Variants in COL4A2 observed in about 807,000 individuals in gnomAD.
COL4A2 encodes the protein collagen alpha-2(IV) chain.
In COL4A2, 99 loss-of-function variants were observed where a neutral mutation model predicts 200.2. The observed-to-expected ratio is 0.49, with a 90% confidence interval of 0.42 to 0.58. The LOEUF (loss-of-function observed/expected upper bound fraction) is 0.58, where lower values mean the gene tolerates loss of function less well. COL4A2 is among the 20% of genes least tolerant of loss of function. COL4A2 has a pLI of 0.00. For missense variants in COL4A2, 1,950 were observed against 2,314.1 expected, an observed-to-expected ratio of 0.84 and a Z score of 3.23; for synonymous variants, 897 against 900.6, an observed-to-expected ratio of 1.00 and a Z score of 0.07.
chr13:110,513,181 T>TG lies in COL4A2; in HGVS notation c.*991dup, dbSNP rs2139565946. Among the ~76,000 whole-genome samples the TG allele has an allele frequency of 6.6e-6, 1 of 152,188 alleles. No homozygotes were observed. Among genetic ancestry groups the TG allele is most frequent in the East Asian group, 1.9e-4 (1 of 5,180 alleles). On this transcript the variant is annotated 3_prime_UTR_variant, in exon 48 of 48. Transcript: ENST00000360467. ...TATTACAGCCATTTCTCGGGGAATG[T>TG]GTTTGTTTATAACTCACTAATGCTT...
chr13:110,448,906 G>A (rs181056269), intron 18 of COL4A2, among the ~76,000 whole-genome samples: 32 of 152,358 alleles, frequency 2.1e-4, no homozygotes, highest in Admixed American at 2.0e-3. Flanking sequence ...TTGCCTTTAA[G>A]TGGAGGAGCC....
chr13:110,457,628 ACTCGGC>A, intron 21 of COL4A2, 193 bp downstream of exon 21: 1 of 683,530 alleles, frequency 1.5e-6, no homozygotes, highest in East Asian at 2.9e-5. Flanking sequence ...CTGTCTGAGC[ACTCGGC>A]CCCCAGGCTC....
chr13:110,421,798 G>T, intron 4 of COL4A2, among the ~76,000 whole-genome samples: 1 of 152,208 alleles, frequency 6.6e-6, no homozygotes, highest in Non-Finnish European at 1.5e-5. Context: ...TCCAAAGTCA[G>T]ACTCCCTAAC....
chr13:110,337,759 G>A (rs1876267540), intron 3 of COL4A2, among the ~76,000 whole-genome samples: 3 of 152,236 alleles, frequency 2.0e-5, no homozygotes, highest in Admixed American at 6.5e-5. Context: ...CCTGCAGCAG[G>A]TTCTGCTGTG....
At chr13:110,459,713 CAG>C (rs1881944973) in intron 22 of COL4A2, 2 of 152,182 alleles carry the variant, frequency 1.3e-5, no homozygotes, top group South Asian at 2.1e-4. Flanking sequence ...TGCTTTAAAA[CAG>C]TGAACTTTGT....
chr13:110,362,479 G>A (rs9559779), intron 4 of COL4A2, among the ~76,000 whole-genome samples: 69,457 of 151,082 alleles, frequency 0.46, 16,322 homozygotes, highest in East Asian at 0.75. Context: ...ACACCTGGCT[G>A]ATTTTTGTAT....
chr13:110,432,197 G>A, intron 10 of COL4A2, 128 bp from the exon 11 acceptor site: 2 of 1,185,436 alleles, frequency 1.7e-6, no homozygotes, highest in Non-Finnish European at 2.2e-6. Flanking sequence ...AAATGCATCA[G>A]AAACCTCCAT....
intron 4 of COL4A2, among the ~76,000 whole-genome samples, chr13:110,401,360 T>A (rs1879363692): frequency 6.6e-6 from 1 of 152,234 alleles, no homozygotes; most frequent in Admixed American, 6.5e-5. Context: ...TAAAACAATA[T>A]GAAGTATGGC....
chr13:110,423,269 T>C (rs947379368), intron 4 of COL4A2, among the ~76,000 whole-genome samples: 26 of 152,152 alleles, frequency 1.7e-4, no homozygotes, highest in African/African-American at 5.8e-4. Flanking sequence ...CCCTCCTTTC[T>C]CATTTTTAAA....
intron 4 of COL4A2, among the ~76,000 whole-genome samples, chr13:110,414,831 A>G (rs901904703): frequency 3.3e-5 from 5 of 152,246 alleles, no homozygotes; most frequent in Admixed American, 1.3e-4. Flanking sequence ...ATCATAATGT[A>G]TGAGAAGGAA....
At chr13:110,475,280 G>T (rs1882667226) in intron 29 of COL4A2, among the ~76,000 whole-genome samples, 1 of 152,214 alleles carries the variant, frequency 6.6e-6, no homozygotes, top group Admixed American at 6.5e-5. Flanking sequence ...TGAGGACTCG[G>T]CGCTGAGAGG....
chr13:110,390,062 GT>G (rs372916884), intron 4 of COL4A2, among the ~76,000 whole-genome samples: 24 of 152,300 alleles, frequency 1.6e-4, no homozygotes, highest in African/African-American at 5.8e-4. Flanking sequence ...AAGACTCTCA[GT>G]GTTAACGGCC....
At chr13:110,481,935 T>A (rs796482574) in intron 31 of COL4A2, among the ~76,000 whole-genome samples, 1 of 135,076 alleles carries the variant, frequency 7.4e-6, no homozygotes. Context: ...GGAGACACAC[T>A]GCTCTGTCCC....
At chr13:110,483,494 A>G (rs550290647) in intron 32 of COL4A2, among the ~76,000 whole-genome samples, 61 of 152,388 alleles carry the variant, frequency 4.0e-4, no homozygotes, top group Non-Finnish European at 6.2e-4. Flanking sequence ...AAACAGCCTG[A>G]AAATGCATCG....
chr13:110,487,277 C>A (rs1883147437), intron 34 of COL4A2, among the ~76,000 whole-genome samples: 1 of 152,224 alleles, frequency 6.6e-6, no homozygotes, highest in African/African-American at 2.4e-5. Flanking sequence ...CAGGGTGAAA[C>A]CCCGTCTCTA....
intron 32 of COL4A2, among the ~76,000 whole-genome samples, chr13:110,483,436 T>C (rs1371656233): frequency 6.6e-6 from 1 of 152,182 alleles, no homozygotes; most frequent in Non-Finnish European, 1.5e-5. Context: ...CAGACAAAAA[T>C]GTGGACACAA....
At chr13:110,341,961 A>G (rs1876474904) in intron 3 of COL4A2, among the ~76,000 whole-genome samples, 1 of 152,190 alleles carries the variant, frequency 6.6e-6, no homozygotes, top group South Asian at 2.1e-4. Context: ...AGCACTTTTG[A>G]TACATAGGAG....
At chr13:110,446,376 G>A (rs1357072025) in intron 17 of COL4A2, among the ~76,000 whole-genome samples, 2 of 152,206 alleles carry the variant, frequency 1.3e-5, no homozygotes, top group South Asian at 2.1e-4. Flanking sequence ...TGAAGGTGGT[G>A]CGCGGGATGC....
chr13:110,415,306 G>T (rs971329882), intron 4 of COL4A2, among the ~76,000 whole-genome samples: 1 of 152,118 alleles, frequency 6.6e-6, no homozygotes, highest in Non-Finnish European at 1.5e-5. Flanking sequence ...TTTTTTTAAA[G>T]GAGTAAGAAA....
Sources: allele counts gnomAD v4.1 joint callset (sites outside exome capture counted in the v4.1 genomes callset), GRCh38; gene constraint gnomAD v4.1.1; transcripts MANE v1.5; gene names NCBI Gene and HGNC (gene_info 2026-07-23, HGNC 2026-07-21).